GRM1: variants seen among roughly 807,000 people sequenced by gnomAD.
GRM1 encodes the protein glutamate metabotropic receptor 1, also known as metabotropic glutamate receptor 1.
A neutral mutation model predicts 90.9 loss-of-function variants in GRM1; 33 were observed. The ratio of observed to expected loss-of-function variants is 0.36; its 90% CI spans 0.28 to 0.49. The LOEUF (loss-of-function observed/expected upper bound fraction) is 0.49. Among genes scored for constraint, GRM1 ranks in the 20% least tolerant of loss-of-function variants. The pLI is 0.99. For missense variants in GRM1, 1,190 were observed against 1,534.3 expected (o/e 0.78, Z 3.75); for synonymous variants, 700 against 613.2 (o/e 1.14, Z -2.09).
chr6:146,401,284 T>C (rs1777149660), intron 7 of GRM1, among the ~76,000 whole-genome samples: 1 of 152,288 alleles, frequency 6.6e-6, no homozygotes, highest in Middle Eastern at 3.4e-3. Context: ...AAGTTTGTTA[T>C]AGGATGTTGA....
chr6:146,113,061 TC>T (rs1316304409), intron 1 of GRM1, among the ~76,000 whole-genome samples: 4 of 152,212 alleles, frequency 2.6e-5, no homozygotes, highest in Non-Finnish European at 4.4e-5. Flanking sequence ...TCAAATAAAG[TC>T]CAATAGTAAG....
chr6:146,180,614 A>G (rs1286082322), intron 2 of GRM1, among the ~76,000 whole-genome samples: 2 of 152,146 alleles, frequency 1.3e-5, no homozygotes, highest in African/African-American at 2.4e-5. Context: ...TTTGTCATAT[A>G]GGTTTTGCAA....
intron 2 of GRM1, among the ~76,000 whole-genome samples, chr6:146,202,000 T>C (rs188321558): frequency 6.6e-6 from 1 of 152,284 alleles, no homozygotes; most frequent in African/African-American, 2.4e-5. Flanking sequence ...CAGGTTATTG[T>C]TAATGAAGGA....
chr6:146,182,243 G>A (rs1778574161), intron 2 of GRM1, among the ~76,000 whole-genome samples: 1 of 152,064 alleles, frequency 6.6e-6, no homozygotes, highest in Non-Finnish European at 1.5e-5. Flanking sequence ...TCATTAATAA[G>A]AAGGAAAGAC....
chr6:146,315,989 T>G (rs1783951681), intron 3 of GRM1, among the ~76,000 whole-genome samples: 1 of 152,218 alleles, frequency 6.6e-6, no homozygotes, highest in Admixed American at 6.5e-5. Context: ...ATTGCTGTCA[T>G]AACAAATTAC....
chr6:146,085,982 A>G (rs572467368), intron 1 of GRM1, among the ~76,000 whole-genome samples: 2 of 152,284 alleles, frequency 1.3e-5, no homozygotes, highest in South Asian at 4.1e-4. Context: ...GGCATACTCT[A>G]TGTGACGGGG....
chr6:146,337,905 A>G (rs577760043), intron 3 of GRM1, among the ~76,000 whole-genome samples: 23 of 152,360 alleles, frequency 1.5e-4, no homozygotes, highest in Admixed American at 3.9e-4. Context: ...ACTGGCATAT[A>G]TTATACAAAA....
intron 2 of GRM1, among the ~76,000 whole-genome samples, chr6:146,270,838 C>CTTTCTTTTT (rs1562570899): frequency 7.0e-5 from 9 of 129,306 alleles, no homozygotes; most frequent in African/African-American, 2.9e-4. Context: ...TGCCTGCCTG[C>CTTTCTTTTT]CTTTCTTTCT....
chr6:146,092,221 C>G (rs1052816236), intron 1 of GRM1, among the ~76,000 whole-genome samples: 5 of 152,022 alleles, frequency 3.3e-5, no homozygotes, highest in Non-Finnish European at 7.4e-5. Context: ...GCTACCTTCC[C>G]CTTATACCCT....
chr6:146,393,169 A>G (rs1228057676), intron 6 of GRM1, among the ~76,000 whole-genome samples: 3 of 152,038 alleles, frequency 2.0e-5, no homozygotes, highest in African/African-American at 7.2e-5. Flanking sequence ...AAGCGTTCCT[A>G]TTTCTCCATA....
At chr6:146,323,209 G>A (rs971087201) in intron 3 of GRM1, among the ~76,000 whole-genome samples, 5 of 152,198 alleles carry the variant, frequency 3.3e-5, no homozygotes, top group African/African-American at 1.2e-4. Context: ...CCCACCAACA[G>A]TGTAAAAGTG....
intron 7 of GRM1, among the ~76,000 whole-genome samples, chr6:146,423,815 C>T (rs1421031087): frequency 6.6e-6 from 1 of 152,124 alleles, no homozygotes; most frequent in Non-Finnish European, 1.5e-5. Context: ...GCATTGTTTG[C>T]AGGGCCCAGT....
intron 1 of GRM1, among the ~76,000 whole-genome samples, chr6:146,038,773 T>A (rs1582911005): frequency 6.6e-6 from 1 of 152,034 alleles, no homozygotes; most frequent in East Asian, 1.9e-4. Context: ...TCTGTGGTGC[T>A]ATAACACATT....
intron 2 of GRM1, among the ~76,000 whole-genome samples, chr6:146,190,728 G>C (rs747438432): frequency 3.3e-5 from 5 of 152,010 alleles, no homozygotes; most frequent in African/African-American, 1.2e-4. Flanking sequence ...ATCTCCATCC[G>C]TATTGCCACT....
chr6:146,200,525 C>A (rs1779265645), intron 2 of GRM1, among the ~76,000 whole-genome samples: 2 of 152,292 alleles, frequency 1.3e-5, no homozygotes, highest in South Asian at 4.1e-4. Flanking sequence ...TCTGCATTGG[C>A]CATATATCAT....
chr6:146,313,501 T>C (rs1331057698), intron 3 of GRM1, among the ~76,000 whole-genome samples: 1 of 152,228 alleles, frequency 6.6e-6, no homozygotes, highest in African/African-American at 2.4e-5. Context: ...TTTTCCCATG[T>C]CGTCTAAAAG....
At chr6:146,142,043 T>C (rs1367852803) in intron 1 of GRM1, among the ~76,000 whole-genome samples, 1 of 152,180 alleles carries the variant, frequency 6.6e-6, no homozygotes, top group African/African-American at 2.4e-5. Flanking sequence ...GCTTTCCAGG[T>C]ATTCAAAGGG....
chr6:146,225,528 T>C (rs1007379075), intron 2 of GRM1, among the ~76,000 whole-genome samples: 1 of 152,178 alleles, frequency 6.6e-6, no homozygotes, highest in African/African-American at 2.4e-5. Context: ...TTCATTTTCA[T>C]TTTGAAGTAT....
At chr6:146,420,747 G>T (rs1352595373) in intron 7 of GRM1, among the ~76,000 whole-genome samples, 1 of 152,078 alleles carries the variant, frequency 6.6e-6, no homozygotes, top group Admixed American at 6.6e-5. Flanking sequence ...TAAAGGAAAA[G>T]AATCATCTAT....
Sources: allele counts gnomAD v4.1 joint callset (sites outside exome capture counted in the v4.1 genomes callset), GRCh38; gene constraint gnomAD v4.1.1; transcripts MANE v1.5; gene names NCBI Gene and HGNC (gene_info 2026-07-23, HGNC 2026-07-21).